Variants in CDC42SE2 observed in about 807,000 individuals in gnomAD.
CDC42SE2 encodes CDC42 small effector 2.
In CDC42SE2, 3 loss-of-function variants were observed where a neutral mutation model predicts 11.5. The ratio of observed to expected loss-of-function variants is 0.26; its 90% CI spans 0.12 to 0.67. The LOEUF (loss-of-function observed/expected upper bound fraction) is 0.67. Ranked by LOEUF, CDC42SE2 falls within the 30% of genes least tolerant of loss-of-function variation. The pLI is 0.80. For synonymous variants in CDC42SE2, 33 were observed against 34.8 expected, an observed-to-expected ratio of 0.95 and a Z score of 0.18; for missense variants, 82 against 106.8, an observed-to-expected ratio of 0.77 and a Z score of 1.02.
At chr5:131,346,780 G>A (rs755970603) in intron 2 of CDC42SE2, among the ~76,000 whole-genome samples, 7 of 152,146 alleles carry the variant, frequency 4.6e-5, no homozygotes, top group African/African-American at 1.7e-4. Context: ...AAATGTAAAA[G>A]AACAGAAATT....
At chr5:131,323,660 GAC>G (rs1159762029) in intron 2 of CDC42SE2, among the ~76,000 whole-genome samples, 1 of 142,206 alleles carries the variant, frequency 7.0e-6, no homozygotes, top group African/African-American at 2.6e-5. Context: ...TCTTTTCTCT[GAC>G]ACAGTTAAAA....
At chr5:131,271,471 A>G (rs1419860503) in intron 1 of CDC42SE2, among the ~76,000 whole-genome samples, 13 of 152,228 alleles carry the variant, frequency 8.5e-5, no homozygotes, top group Admixed American at 8.5e-4. Flanking sequence ...AGGTATACAT[A>G]GTCTAGAGAT....
upstream of CDC42SE2, among the ~76,000 whole-genome samples, chr5:131,241,711 C>T (rs1756542115): frequency 6.6e-6 from 1 of 151,960 alleles, no homozygotes; most frequent in Non-Finnish European, 1.5e-5. Flanking sequence ...TATCTTCAAT[C>T]TCTTCATATA....
intron 1 of CDC42SE2, among the ~76,000 whole-genome samples, chr5:131,311,737 G>T (rs1757919657): frequency 6.6e-6 from 1 of 152,014 alleles, no homozygotes; most frequent in Non-Finnish European, 1.5e-5. Flanking sequence ...GATCACATCG[G>T]CTCCTGAGGC....
At chr5:131,220,586 T>G in the CDC42SE2 span, among the ~76,000 whole-genome samples, 1 of 152,204 alleles carries the variant, frequency 6.6e-6, no homozygotes, top group Admixed American at 6.5e-5. Context: ...TTAGGGTACC[T>G]TGATAGAATA....
chr5:131,321,841 A>G (rs1273443879), intron 2 of CDC42SE2, among the ~76,000 whole-genome samples: 1 of 151,922 alleles, frequency 6.6e-6, no homozygotes, highest in Non-Finnish European at 1.5e-5. Flanking sequence ...TACATTAGAA[A>G]TGTTTTTTTT....
intron 1 of CDC42SE2, among the ~76,000 whole-genome samples, chr5:131,293,809 T>C (rs1580736209): frequency 6.6e-6 from 1 of 152,216 alleles, no homozygotes; most frequent in Admixed American, 6.5e-5. Context: ...ATGAACAGTT[T>C]GTCAACAGTC....
At chr5:131,320,004 T>A (rs1257865223) in intron 2 of CDC42SE2, among the ~76,000 whole-genome samples, 1 of 126,812 alleles carries the variant, frequency 7.9e-6, no homozygotes, top group Admixed American at 1.0e-4. Flanking sequence ...TGAGCGGAGA[T>A]CGCGCCACTG....
intron 2 of CDC42SE2, among the ~76,000 whole-genome samples, chr5:131,328,925 A>G (rs1027095585): frequency 9.2e-5 from 14 of 152,240 alleles, no homozygotes; most frequent in African/African-American, 2.9e-4. Context: ...TTACACTCAT[A>G]TAAATAAATA....
chr5:131,255,951 T>C (rs1756676139), intron 2 of CDC42SE2, among the ~76,000 whole-genome samples: 1 of 152,188 alleles, frequency 6.6e-6, no homozygotes, highest in African/African-American at 2.4e-5. Context: ...GACTCAAATA[T>C]GTTAAGAAAA....
upstream of CDC42SE2, among the ~76,000 whole-genome samples, chr5:131,244,563 T>C (rs1375789398): frequency 6.6e-6 from 1 of 152,002 alleles, no homozygotes; most frequent in East Asian, 1.9e-4. Context: ...ATAGAAAAAT[T>C]AGCTGGGCAT....
chr5:131,355,664 G>A (rs908396305), intron 2 of CDC42SE2, among the ~76,000 whole-genome samples: 16 of 151,748 alleles, frequency 1.1e-4, no homozygotes, highest in Admixed American at 3.9e-4. Context: ...CAAACTGAGC[G>A]TACTTAATAC....
chr5:131,355,532 G>A (rs1482330476), intron 2 of CDC42SE2, among the ~76,000 whole-genome samples: 1 of 152,074 alleles, frequency 6.6e-6, no homozygotes, highest in African/African-American at 2.4e-5. Context: ...GAGAGAGGGA[G>A]GGAGGGAACA....
chr5:131,338,663 C>G (rs1292758621), intron 2 of CDC42SE2, among the ~76,000 whole-genome samples: 3 of 152,160 alleles, frequency 2.0e-5, no homozygotes, highest in Non-Finnish European at 4.4e-5. Flanking sequence ...TGTAGAGCAG[C>G]AAACTAGAAC....
intron 1 of CDC42SE2, among the ~76,000 whole-genome samples, chr5:131,291,099 T>C (rs983210503): frequency 4.6e-5 from 7 of 152,204 alleles, no homozygotes; most frequent in African/African-American, 1.7e-4. Context: ...GATTGTTCTG[T>C]GGTCTGTAGT....
the CDC42SE2 span, among the ~76,000 whole-genome samples, chr5:131,231,634 T>C: frequency 6.6e-6 from 1 of 152,204 alleles, no homozygotes; most frequent in East Asian, 1.9e-4. Context: ...CTTGTGAGTT[T>C]AATCAGTTCA....
intron 1 of CDC42SE2, among the ~76,000 whole-genome samples, chr5:131,297,347 A>G (rs1384359966): frequency 6.6e-6 from 1 of 151,794 alleles, no homozygotes; most frequent in Middle Eastern, 3.2e-3. Flanking sequence ...GAAACCTTTA[A>G]CTCTTTCTCA....
chr5:131,345,979 T>TA (rs1458403486), intron 2 of CDC42SE2, among the ~76,000 whole-genome samples: 3 of 152,188 alleles, frequency 2.0e-5, no homozygotes, highest in African/African-American at 7.2e-5. Context: ...AGGCCTCCCT[T>TA]ACAAGAGCTC....
intron 1 of CDC42SE2, among the ~76,000 whole-genome samples, chr5:131,252,326 C>T (rs1214843410): frequency 1.3e-5 from 2 of 152,178 alleles, no homozygotes; most frequent in Non-Finnish European, 2.9e-5. Flanking sequence ...TTTTGTCCTC[C>T]TGCCTGGCTC....
Sources: gnomAD v4.1 joint callset for allele counts (sites outside exome capture counted in the v4.1 genomes callset) on GRCh38, gnomAD v4.1.1 for gene constraint, MANE v1.5 for transcripts, NCBI Gene and HGNC (gene_info 2026-07-23, HGNC 2026-07-21) for gene names.